Variants in IQGAP1 observed in about 807,000 individuals in gnomAD.
IQGAP1 encodes ras GTPase-activating-like protein IQGAP1.
A neutral mutation model predicts 215.6 loss-of-function variants in IQGAP1; 66 were observed. The ratio of observed to expected loss-of-function variants is 0.31; its 90% CI spans 0.25 to 0.38. The LOEUF (loss-of-function observed/expected upper bound fraction) is 0.38. Among genes scored for constraint, IQGAP1 ranks in the 10% least tolerant of loss-of-function variants. The pLI, the probability that IQGAP1 is intolerant of heterozygous loss-of-function variation, is 1.00. For missense variants in IQGAP1, 1,712 were observed against 1,997.1 expected, an observed-to-expected ratio of 0.86 and a Z score of 2.72; for synonymous variants, 772 against 728.7, an observed-to-expected ratio of 1.06 and a Z score of -0.96.
intron 6 of IQGAP1, among the ~76,000 whole-genome samples, chr15:90,439,859 G>A (rs576457878): frequency 5.9e-5 from 9 of 152,246 alleles, no homozygotes; most frequent in African/African-American, 2.2e-4. Context: ...GTTTCTATGT[G>A]TATTTGCTAT....
chr15:90,473,134 C>T (rs1596284269), intron 19 of IQGAP1, 124 bp downstream of exon 19: 5 of 847,210 alleles, frequency 5.9e-6, no homozygotes, highest in Non-Finnish European at 9.2e-6. Context: ...TCTTCTCTTT[C>T]CTTTGACAGG....
chr15:90,404,575 GT>G (rs539547574), intron 2 of IQGAP1, among the ~76,000 whole-genome samples: 1 of 151,812 alleles, frequency 6.6e-6, no homozygotes, highest in Non-Finnish European at 1.5e-5. Flanking sequence ...CACCGTGGGT[GT>G]TATAAATATT....
chr15:90,439,669 A>G (rs1214322361), intron 6 of IQGAP1, among the ~76,000 whole-genome samples: 1 of 151,760 alleles, frequency 6.6e-6, no homozygotes, highest in African/African-American at 2.4e-5. Flanking sequence ...TATATAAAAC[A>G]TAATAATGTT....
At chr15:90,401,141 C>CT (rs1964798760) in intron 2 of IQGAP1, among the ~76,000 whole-genome samples, 1 of 151,972 alleles carries the variant, frequency 6.6e-6, no homozygotes, top group Non-Finnish European at 1.5e-5. Flanking sequence ...GGCCTGTGGC[C>CT]TACCGGATCA....
At chr15:90,441,722 A>G (rs1393127762) in intron 8 of IQGAP1, 38 bp downstream of exon 8, 2 of 1,420,116 alleles carry the variant, frequency 1.4e-6, no homozygotes, top group East Asian at 2.4e-5. Context: ...ATTAATTTAT[A>G]TTATTCCGTC....
chr15:90,430,714 G>C (rs1965290053), intron 4 of IQGAP1, among the ~76,000 whole-genome samples: 1 of 151,716 alleles, frequency 6.6e-6, no homozygotes, highest in Admixed American at 6.6e-5. Flanking sequence ...GATTAAGGGT[G>C]GTTTTTATTT....
chr15:90,460,447 A>G (rs1456102311), intron 15 of IQGAP1, among the ~76,000 whole-genome samples: 3 of 152,072 alleles, frequency 2.0e-5, no homozygotes, highest in Non-Finnish European at 4.4e-5. Context: ...GTTTTTGACA[A>G]TTGCTTTTGG....
intron 18 of IQGAP1, among the ~76,000 whole-genome samples, chr15:90,467,965 G>A (rs1458336109): frequency 6.6e-6 from 1 of 152,090 alleles, no homozygotes; most frequent in Non-Finnish European, 1.5e-5. Context: ...TTCAAATAAA[G>A]TTAGCATTTT....
At chr15:90,396,883 C>T (rs181612911) in intron 2 of IQGAP1, among the ~76,000 whole-genome samples, 149 of 151,174 alleles carry the variant, frequency 9.9e-4, no homozygotes, top group Middle Eastern at 6.8e-3. Context: ...GACGGAGTCT[C>T]GCTCTGTTGC....
At chr15:90,456,353 C>T in intron 15 of IQGAP1, 38 bp downstream of exon 15, 4 of 1,601,044 alleles carry the variant, frequency 2.5e-6, no homozygotes, top group Non-Finnish European at 3.4e-6. Context: ...GTTCAGAGCA[C>T]CTCAGCCCTC....
Position 90,423,997 on chromosome 15 carries a change from T to C in IQGAP1, c.156-2113T>C, listed in dbSNP as rs144411629. 6.3e-3 allele frequency among the ~76,000 whole-genome samples: 955 copies of C among 152,192 alleles called. 7 individuals carry two copies. Among genetic ancestry groups the C allele is most frequent in the Middle Eastern group, 0.014 (4 of 294 alleles). ...TTATCCGTAGTTTTCCCTGTGTGTT[T>C]ACTTCATTTTAAAAAGAAAAATAAG... On this transcript the variant is annotated intron_variant, in intron 2 of 37. Transcript: ENST00000268182.
intron 13 of IQGAP1, among the ~76,000 whole-genome samples, chr15:90,453,965 T>A (rs1965643799): frequency 6.6e-6 from 1 of 152,250 alleles, no homozygotes; most frequent in Non-Finnish European, 1.5e-5. Flanking sequence ...TATACTTCCA[T>A]TGCGTATTTA....
intron 2 of IQGAP1, among the ~76,000 whole-genome samples, chr15:90,421,720 T>C (rs1406603171): frequency 1.3e-5 from 2 of 152,220 alleles, no homozygotes; most frequent in Non-Finnish European, 2.9e-5. Flanking sequence ...AGACAGAGAC[T>C]TGCTCTGCTG....
intron 2 of IQGAP1, among the ~76,000 whole-genome samples, chr15:90,407,472 A>G (rs1964895684): frequency 6.6e-6 from 1 of 152,200 alleles, no homozygotes; most frequent in Admixed American, 6.5e-5. Context: ...AGAACTAGAC[A>G]ATGGAAATCT....
In IQGAP1 at chr15:90,415,408, T is replaced by C. The variant is rs1192106174; in HGVS notation, c.156-10702T>C. 3.3e-5 allele frequency among the ~76,000 whole-genome samples: 5 copies of C among 152,236 alleles called. No individual in the cohort carries two copies. The South Asian group carries it at 8.3e-4, about 25-fold the overall frequency. Reference sequence around the variant, plus strand: ...AAAGTTTTATTTAGTTTTTTAAAAATGGCCTTACAGAAGTTTAAATACTAG... The same window carrying C: ...AAAGTTTTATTTAGTTTTTTAAAAACGGCCTTACAGAAGTTTAAATACTAG... On this transcript the variant is annotated intron_variant, in intron 2 of 37. Transcript: ENST00000268182.
Position 90,501,113 on chromosome 15 carries a change from C to G in IQGAP1, c.*1005C>G, listed in dbSNP as rs868078079. 5 of 152,184 alleles carry G rather than the reference C, an allele frequency of 3.3e-5. No homozygotes were observed. Among genetic ancestry groups the G allele is most frequent in the African/African-American group, 1.2e-4 (5 of 41,238 alleles). The allele number at this position is 152,184 out of a possible 1,614,324, so 9.4% of individuals were successfully genotyped here. The stretch of plus-strand genomic sequence containing the variant: ...ATTGCTTTATCTGTATATCTGAACT[C>G]TTGAAACTTATAGCTAAAACACTAG... On this transcript the variant is annotated 3_prime_UTR_variant, in exon 38 of 38. Coordinates refer to ENST00000268182, the MANE Select transcript of IQGAP1 (RefSeq NM_003870.4).
At chr15:90,491,892 G>C (rs751600171) in intron 34 of IQGAP1, among the ~76,000 whole-genome samples, 1 of 152,168 alleles carries the variant, frequency 6.6e-6, no homozygotes, top group Non-Finnish European at 1.5e-5. Context: ...CATCTCAAGC[G>C]AGGGGCTTTG....
chr15:90,474,505 A>C lies in IQGAP1; in HGVS notation c.2596A>C (p.Met866Leu). 3.7e-6 allele frequency: 6 copies of C among 1,613,974 alleles called. No individual in the cohort carries two copies. Among genetic ancestry groups the C allele is most frequent in the Non-Finnish European group, 5.1e-6 (6 of 1,179,830 alleles). ...GTCAGTCAATGCTGAGGATCCTCCTATGGTTGTGGTCCGAAAATTTGTCCA... is the reference window on the plus strand; with the variant it reads ...GTCAGTCAATGCTGAGGATCCTCCTCTGGTTGTGGTCCGAAAATTTGTCCA... The part of the protein sequence containing the change: ...KTLINAEDPP[M>L]VVVRKFVHLL... Residue 866 changes from methionine (M) to leucine (L), a missense_variant, in exon 23 of 38, where the codon ATG becomes CTG. Coordinates refer to ENST00000268182, the MANE Select transcript of IQGAP1 (RefSeq NM_003870.4).
chr15:90,445,137 TA>T (rs201454692), intron 9 of IQGAP1, among the ~76,000 whole-genome samples: 49 of 151,412 alleles, frequency 3.2e-4, no homozygotes, highest in African/African-American at 5.3e-4. Flanking sequence ...ATTAATTAAT[TA>T]ATTTTTTTTT....
Sources: allele counts gnomAD v4.1 joint callset (sites outside exome capture counted in the v4.1 genomes callset), GRCh38; gene constraint gnomAD v4.1.1; transcripts MANE v1.5; gene names NCBI Gene and HGNC (gene_info 2026-07-23, HGNC 2026-07-21).